The following OR56A1 variants were observed in gnomAD, a reference collection of about 807,000 sequenced individuals.
OR56A1 encodes olfactory receptor family 56 subfamily A member 1, also known as olfactory receptor 56A1.
For synonymous variants in OR56A1, 174 were observed against 159.1 expected (o/e 1.09, Z -0.70); for missense variants, 360 against 380.9 (o/e 0.94, Z 0.46).
At chr11:6,032,904 C>G (rs1469157100), upstream of OR56A1, among the ~76,000 whole-genome samples, 1 of 152,124 alleles carries the variant, frequency 6.6e-6, no homozygotes, top group Non-Finnish European at 1.5e-5. Context: ...TTTATCCAAA[C>G]AGAAATCTCA....
Position 6,021,876 on chromosome 11 carries a change from G to A in OR56A1, c.*4872C>T, listed in dbSNP as rs780934519. 4 of 152,002 alleles carry A rather than the reference G, an allele frequency of 2.6e-5. No individual in the cohort carries two copies. The highest frequency in any genetic ancestry group is 1.3e-4 in the Admixed American group (2 of 15,244). 9.4% of individuals were successfully genotyped at this position (152,002 alleles called of 1,614,324 possible). A position where few individuals can be genotyped will look rare whatever the true frequency, so the allele number is the denominator to read the frequency against. On this transcript the variant is annotated 3_prime_UTR_variant, in exon 2 of 2. Coordinates refer to ENST00000641900, the MANE Select transcript of OR56A1 (RefSeq NM_001388488.1). ...CAATATCTGCTCCTAAAGCATTCTC[G>A]CATTACTATTAAGTTACTGCTAACT...
intron 1 of OR56A1, among the ~76,000 whole-genome samples, chr11:6,029,788 TTC>T (rs1187906716): frequency 6.6e-6 from 1 of 152,186 alleles, no homozygotes; most frequent in African/African-American, 2.4e-5. Context: ...CTCTCTGATA[TTC>T]TGTTTTCCCT....
upstream of OR56A1, among the ~76,000 whole-genome samples, chr11:6,033,602 C>A (rs1259589922): frequency 6.6e-6 from 1 of 151,444 alleles, no homozygotes; most frequent in Non-Finnish European, 1.5e-5. Context: ...GAGACACAGT[C>A]ATATAGTCAC....
chr11:6,034,306 C>T (rs1848539473), upstream of OR56A1: 1 of 152,304 alleles, frequency 6.6e-6, no homozygotes, highest in South Asian at 2.1e-4. Flanking sequence ...AGAACGAGCT[C>T]TTAGTGTTGT....
chr11:6,029,373 C>A (rs1222384560), intron 1 of OR56A1, among the ~76,000 whole-genome samples: 1 of 152,066 alleles, frequency 6.6e-6, no homozygotes, highest in Non-Finnish European at 1.5e-5. Flanking sequence ...TGTCCATCTT[C>A]AAGAATTGAT....
intron 1 of OR56A1, among the ~76,000 whole-genome samples, chr11:6,030,469 A>AGGAAGGAAGGAAGG: frequency 6.6e-6 from 1 of 152,054 alleles, no homozygotes; most frequent in South Asian, 2.1e-4. Flanking sequence ...ACATTATGAA[A>AGGAAGGAAGGAAGG]GGAAGGAAGG....
chr11:6,032,748 A>T (rs1479195047), upstream of OR56A1, among the ~76,000 whole-genome samples: 1 of 152,026 alleles, frequency 6.6e-6, no homozygotes, highest in Non-Finnish European at 1.5e-5. Context: ...CCCAAGATTC[A>T]CCCACTTACT....
intron 1 of OR56A1, among the ~76,000 whole-genome samples, chr11:6,030,381 C>A (rs913136464): frequency 6.8e-6 from 1 of 147,476 alleles, no homozygotes; most frequent in South Asian, 2.1e-4. Flanking sequence ...AGGGAAGAAA[C>A]CATGTGTGGT....
At position 6,020,188 on chromosome 11, in the gene OR56A1, A is replaced by C. The variant is rs1848381296; in HGVS notation, c.*6560T>G. 6.6e-6 allele frequency: 1 copy of C among 152,176 alleles called. No homozygotes were observed. The highest frequency in any genetic ancestry group is 1.5e-5 in the Non-Finnish European group (1 of 68,000). 9.4% of individuals were successfully genotyped at this position (152,176 alleles called of 1,614,324 possible). On this transcript the variant is annotated 3_prime_UTR_variant, in exon 2 of 2. Transcript: ENST00000641900. ...AGCAGAAAATACATTGTTTCCAATCAAATACCAGGATCTTAACATAATCAT... is the reference window on the plus strand; with the variant it reads ...AGCAGAAAATACATTGTTTCCAATCCAATACCAGGATCTTAACATAATCAT...
At position 6,021,560 on chromosome 11, in the gene OR56A1, G is replaced by T. The variant is rs754359265; in HGVS notation, c.*5188C>A. 6.6e-6 allele frequency: 1 copy of T among 151,906 alleles called. No individual in the cohort carries two copies. The highest frequency in any genetic ancestry group is 1.5e-5 in the Non-Finnish European group (1 of 67,952). 9.4% of individuals were successfully genotyped at this position (151,906 alleles called of 1,614,324 possible). A position where few individuals can be genotyped will look rare whatever the true frequency, so the allele number is the denominator to read the frequency against. ...TAAATAAAAAATTATTTAAAGTACT[G>T]ATACTAATATTTTATAAGTAGAAAG... On this transcript the variant is annotated 3_prime_UTR_variant, in exon 2 of 2. Coordinates refer to ENST00000641900, the MANE Select transcript of OR56A1 (RefSeq NM_001388488.1).
rs1848376986 is a variant in OR56A1, at chr11:6,019,833, T to C, written c.*6915A>G. 6.6e-6 allele frequency: 1 copy of C among 152,140 alleles called. No individual in the cohort carries two copies. Among genetic ancestry groups the C allele is most frequent in the South Asian group, 2.1e-4 (1 of 4,830 alleles). The allele number at this position is 152,140 out of a possible 1,614,324, so 9.4% of individuals were successfully genotyped here. Reference sequence around the variant, plus strand: ...TTTTCTCAAAAGCATTTAGGCACAGTATTCAATTCGTCAGTCACTCTGTGA... The same window carrying C: ...TTTTCTCAAAAGCATTTAGGCACAGCATTCAATTCGTCAGTCACTCTGTGA... On this transcript the variant is annotated 3_prime_UTR_variant, in exon 2 of 2. Coordinates refer to ENST00000641900, the MANE Select transcript of OR56A1 (RefSeq NM_001388488.1).
upstream of OR56A1, chr11:6,034,316 T>C (rs758152117): frequency 1.3e-5 from 2 of 152,354 alleles, no homozygotes; most frequent in Non-Finnish European, 2.9e-5. Flanking sequence ...CTTAGTGTTG[T>C]AACTGCTGCA....
In OR56A1 at chr11:6,022,835, A is replaced by G. The variant is rs1202943124; in HGVS notation, c.*3913T>C. On this transcript the variant is annotated 3_prime_UTR_variant, in exon 2 of 2. Coordinates refer to ENST00000641900, the MANE Select transcript of OR56A1 (RefSeq NM_001388488.1). ...CTCAATAACTAATTTTTGGTTGAAT[A>G]GGTGCAGAAATGTTGTTATTATATA... The G allele has an allele frequency of 6.6e-6, 1 of 152,192 alleles. No individual in the cohort carries two copies. Among genetic ancestry groups the G allele is most frequent in the African/African-American group, 2.4e-5 (1 of 41,450 alleles). 9.4% of individuals were successfully genotyped at this position (152,192 alleles called of 1,614,324 possible).
upstream of OR56A1, among the ~76,000 whole-genome samples, chr11:6,031,389 A>G (rs1050704252): frequency 3.3e-5 from 5 of 152,210 alleles, no homozygotes; most frequent in Non-Finnish European, 7.4e-5. Flanking sequence ...GATTTAGGGT[A>G]CGTACAGAAA....
Position 6,022,508 on chromosome 11 carries a change from T to C in OR56A1, c.*4240A>G, listed in dbSNP as rs551308188. 1.3e-5 allele frequency: 2 copies of C among 152,256 alleles called. No individual in the cohort carries two copies. The highest frequency in any genetic ancestry group is 4.8e-5 in the African/African-American group (2 of 41,544). The allele number at this position is 152,256 out of a possible 1,614,324, so 9.4% of individuals were successfully genotyped here. On this transcript the variant is annotated 3_prime_UTR_variant, in exon 2 of 2. Transcript: ENST00000641900. The stretch of plus-strand genomic sequence containing the variant: ...GTGTGGGTTTTTAGTGTACTCTGCC[T>C]TTGATATCTATAATCTGGAGTATGA...
rs150834001 is a variant in OR56A1 at position 6,026,976 on chromosome 11, C to T, written c.717G>A (p.Lys239=). The change falls in exon 2 of 2, where the codon AAG becomes AAA. Residue 239 remains lysine (K), a synonymous_variant. Transcript: ENST00000641900. ...AGTGGGAGCCACATGTGCTCAGGGC[C>T]TTCACTGCCGCCCCCTCTGCTTTGA... ...LRFKAEGAAV[K]ALSTCGSHFI... 200 of 1,614,086 alleles carry T rather than the reference C, an allele frequency of 1.2e-4. No homozygotes were observed. The African/African-American group carries it at 2.3e-3, about 19-fold the overall frequency.
At position 6,025,382 on chromosome 11, in the gene OR56A1, G is replaced by C. The variant is rs961665157; in HGVS notation, c.*1366C>G. ...GAGTTTCTACCTACAGAGAGCAACA[G>C]AAACATTAGAAGGTTGAAACATGGA... On this transcript the variant is annotated 3_prime_UTR_variant, in exon 2 of 2. Coordinates refer to ENST00000641900, the MANE Select transcript of OR56A1 (RefSeq NM_001388488.1). 3.3e-5 allele frequency: 5 copies of C among 152,242 alleles called. No homozygotes were observed. Among genetic ancestry groups the C allele is most frequent in the African/African-American group, 9.7e-5 (4 of 41,450 alleles). 9.4% of individuals were successfully genotyped at this position (152,242 alleles called of 1,614,324 possible). A position where few individuals can be genotyped will look rare whatever the true frequency, so the allele number is the denominator to read the frequency against.
chr11:6,028,763 C>A (rs1369473306), intron 1 of OR56A1, among the ~76,000 whole-genome samples: 1 of 152,138 alleles, frequency 6.6e-6, no homozygotes, highest in Non-Finnish European at 1.5e-5. Flanking sequence ...ACTACCCTTA[C>A]ATCCAAAAGT....
At chr11:6,031,106 C>T (rs538597282), upstream of OR56A1, among the ~76,000 whole-genome samples, 14 of 152,230 alleles carry the variant, frequency 9.2e-5, no homozygotes, top group African/African-American at 2.4e-4. Context: ...GATTTACATG[C>T]ATTAAATCTG....
Sources: allele counts gnomAD v4.1 joint callset (sites outside exome capture counted in the v4.1 genomes callset), GRCh38; gene constraint gnomAD v4.1.1; transcripts MANE v1.5; gene names NCBI Gene and HGNC (gene_info 2026-07-23, HGNC 2026-07-21).